Variants in TBC1D2B observed in about 807,000 individuals in gnomAD.
TBC1D2B encodes the protein TBC1 domain family, member 2B.
In TBC1D2B, 64 loss-of-function variants were observed where a neutral mutation model predicts 100.8. That is an observed-to-expected ratio of 0.64 (90% CI 0.52 to 0.78). The LOEUF is 0.78. TBC1D2B is among the 30% of genes least tolerant of loss of function. The probability of loss-of-function intolerance (pLI) is 0.00; values close to 1 mark genes in which losing one functional copy is unlikely to be tolerated. For missense variants in TBC1D2B, 1,052 were observed against 1,218.4 expected, an observed-to-expected ratio of 0.86 and a Z score of 2.03; for synonymous variants, 480 against 479.7, an observed-to-expected ratio of 1.00 and a Z score of -0.01.
chr15:78,077,382 A>G lies in TBC1D2B; in HGVS notation c.271T>C (p.Tyr91His). Residue 91 changes from tyrosine (Y) to histidine (H), a missense_variant, in exon 1 of 13, where the codon TAC becomes CAC. Physicochemically the swap from Tyr to His is moderately conservative, Grantham distance 83 (BLOSUM62 2). This residue lies in a region of TBC1D2B where 627 missense variants were observed against 646.1 expected (regional missense o/e 0.97). Transcript: ENST00000300584. ...HLDIADACFS[Y>H]QGPDEAAEPG... ...TCCGCCGCCTCGTCGGGGCCCTGGT[A>G]GCTGAAGCAGGCGTCCGCGATGTCC... 6.5e-7 allele frequency: 1 copy of G among 1,543,720 alleles called. No individual in the cohort carries two copies. The highest frequency in any genetic ancestry group is 8.7e-7 in the Non-Finnish European group (1 of 1,144,550).
chr15:78,011,639 TTTTTGG>T (rs1328780142), intron 9 of TBC1D2B, among the ~76,000 whole-genome samples: 19 of 980 alleles, frequency 0.019, no homozygotes, highest in African/African-American at 0.043. Context: ...CCCAGCTAAT[TTTTTGG>T]TTTTTTTTTT....
In TBC1D2B at chr15:77,998,363, G is replaced by A; in HGVS notation, c.2697-8C>T. 1.3e-6 allele frequency: 2 copies of A among 1,561,920 alleles called. No individual in the cohort carries two copies. The highest frequency in any genetic ancestry group is 1.2e-5 in the South Asian group (1 of 84,666). The stretch of plus-strand genomic sequence containing the variant: ...GAGATACTGATCAGCTTCCTGGCAG[G>A]ACGCAGGGGAGAGACAAGAGAATCA... On this transcript the variant is annotated splice_polypyrimidine_tract_variant and splice_region_variant and intron_variant, in intron 12 of 12. Coordinates refer to ENST00000300584, the MANE Select transcript of TBC1D2B (RefSeq NM_144572.2).
chr15:78,065,851 G>A (rs1320444536), intron 1 of TBC1D2B, among the ~76,000 whole-genome samples: 1 of 152,160 alleles, frequency 6.6e-6, no homozygotes, highest in African/African-American at 2.4e-5. Flanking sequence ...AGTGGAGCCA[G>A]GTACCAGGAA....
At chr15:78,053,873 G>T in intron 2 of TBC1D2B, 161 bp downstream of exon 2, 1 of 815,388 alleles carries the variant, frequency 1.2e-6, no homozygotes, top group Non-Finnish European at 1.9e-6. Flanking sequence ...CATAAGCTTT[G>T]TACATGGAGG....
At position 78,013,024 on chromosome 15, in the gene TBC1D2B, C is replaced by G; in HGVS notation, c.2069G>C (p.Gly690Ala). The change falls in exon 9 of 13, where the codon GGC (glycine) becomes GCC (alanine). Residue 690 changes from glycine to alanine, a missense_variant. Physicochemically the swap from Gly to Ala is moderately conservative, Grantham distance 60. Around this residue, in one of 4 missense-constraint regions of TBC1D2B, gnomAD observed 373 missense variants for 464.9 expected, o/e 0.80. Coordinates refer to ENST00000300584, the MANE Select transcript of TBC1D2B (RefSeq NM_144572.2). ...CTTCTGCAGCAAGGTCTGGAAGTGG[C>G]CAGGCTCAGTGTTGTCCTTGAACTT... ...TRKFKDNTEP[G>A]HFQTLLQKAL... 6.2e-7 allele frequency: 1 copy of G among 1,611,848 alleles called. No individual in the cohort carries two copies. The highest frequency in any genetic ancestry group is 1.1e-5 in the South Asian group (1 of 91,032).
intron 3 of TBC1D2B, among the ~76,000 whole-genome samples, chr15:78,031,170 A>C (rs574250667): frequency 6.6e-6 from 1 of 152,376 alleles, no homozygotes; most frequent in Admixed American, 6.5e-5. Context: ...ATATGTAGCA[A>C]AACTATTTTT....
At chr15:78,040,561 A>G (rs574650538) in intron 3 of TBC1D2B, among the ~76,000 whole-genome samples, 216 of 151,588 alleles carry the variant, frequency 1.4e-3, no homozygotes, top group African/African-American at 4.9e-3. Flanking sequence ...AAAAATGAAA[A>G]AAGAAAAGAA....
rs2071787795 is a variant in TBC1D2B at position 77,997,242 on chromosome 15, C to A, written c.*918G>T. The A allele has an allele frequency of 6.6e-6, 1 of 152,318 alleles. No homozygotes were observed. The highest frequency in any genetic ancestry group is 2.1e-4 in the South Asian group (1 of 4,836). The allele number at this position is 152,318 out of a possible 1,614,324, so 9.4% of individuals were successfully genotyped here. ...GGCTGCACCACTGCCCTGCAAAGCA[C>A]CCCCGAAAACATTCCTCCATCCCCT... On this transcript the variant is annotated 3_prime_UTR_variant, in exon 13 of 13. Transcript: ENST00000300584.
At chr15:78,040,313 C>A (rs1320121765) in intron 3 of TBC1D2B, among the ~76,000 whole-genome samples, 1 of 152,182 alleles carries the variant, frequency 6.6e-6, no homozygotes, top group Non-Finnish European at 1.5e-5. Context: ...AAAACAAACA[C>A]ATGCACCTGT....
intron 1 of TBC1D2B, among the ~76,000 whole-genome samples, chr15:78,076,520 G>C (rs2073831381): frequency 6.6e-6 from 1 of 152,118 alleles, no homozygotes; most frequent in African/African-American, 2.4e-5. Context: ...TGGATGGGGA[G>C]GATGGTTTCG....
At chr15:78,007,921 G>T (rs2141638779) in intron 10 of TBC1D2B, among the ~76,000 whole-genome samples, 1 of 152,336 alleles carries the variant, frequency 6.6e-6, no homozygotes, top group Non-Finnish European at 1.5e-5. Flanking sequence ...TCTCCTGCCA[G>T]CACCTCCCGC....
intron 4 of TBC1D2B, 54 bp from the exon 5 acceptor site, chr15:78,025,551 G>C (rs2072642509): frequency 5.2e-6 from 7 of 1,345,288 alleles, no homozygotes; most frequent in Non-Finnish European, 7.0e-6. Context: ...TTTTGAGACG[G>C]AGTGTCGGTC....
chr15:78,000,677 T>C (rs886277982), intron 12 of TBC1D2B, among the ~76,000 whole-genome samples: 15 of 152,214 alleles, frequency 9.9e-5, no homozygotes, highest in African/African-American at 3.1e-4. Flanking sequence ...TCAGCTCCCA[T>C]TGTCCAAATC....
At chr15:78,053,768 T>C (rs953882093) in intron 2 of TBC1D2B, 6 of 362,798 alleles carry the variant, frequency 1.7e-5, no homozygotes, top group Non-Finnish European at 3.0e-5. Context: ...AGAACTAGAC[T>C]TACAGCACCA....
chr15:78,044,736 T>C lies in TBC1D2B; in HGVS notation c.683+164A>G, dbSNP rs533994505. Among the ~76,000 whole-genome samples, 26 of 152,334 alleles carry C rather than the reference T, an allele frequency of 1.7e-4. No individual in the cohort carries two copies. The South Asian group carries it at 4.8e-3, about 28-fold the overall frequency. On this transcript the variant is annotated intron_variant, in intron 3 of 12. Coordinates refer to ENST00000300584, the MANE Select transcript of TBC1D2B (RefSeq NM_144572.2). ...CATAGTGTCAGACACAGAATAAGCATGTAATACAAGCTAAAACCACAATGA... is the reference window on the plus strand; with the variant it reads ...CATAGTGTCAGACACAGAATAAGCACGTAATACAAGCTAAAACCACAATGA...
At chr15:78,017,811 C>T in intron 7 of TBC1D2B, 36 bp downstream of exon 7, 1 of 1,390,508 alleles carries the variant, frequency 7.2e-7, no homozygotes, top group Non-Finnish European at 1.0e-6. Context: ...AACCTTACCT[C>T]CCACCAGGTA....
intron 1 of TBC1D2B, among the ~76,000 whole-genome samples, chr15:78,073,840 C>T (rs1386305764): frequency 6.6e-6 from 1 of 151,572 alleles, no homozygotes; most frequent in Non-Finnish European, 1.5e-5. Flanking sequence ...AGCGGTGGCA[C>T]GCGCCTATAG....
chr15:78,023,993 G>T (rs1257078097), intron 6 of TBC1D2B, among the ~76,000 whole-genome samples, 163 bp downstream of exon 6: 1 of 152,076 alleles, frequency 6.6e-6, no homozygotes, highest in East Asian at 1.9e-4. Flanking sequence ...CTCCACAGAA[G>T]ATTAATGATT....
intron 1 of TBC1D2B, among the ~76,000 whole-genome samples, chr15:78,060,221 G>A (rs1052837338): frequency 6.6e-6 from 1 of 152,206 alleles, no homozygotes; most frequent in African/African-American, 2.4e-5. Flanking sequence ...AACTGGATGA[G>A]ATCTGGTTAA....
Sources: allele counts gnomAD v4.1 joint callset (sites outside exome capture counted in the v4.1 genomes callset), GRCh38; gene constraint gnomAD v4.1.1; regional missense constraint gnomAD v4.1.1; transcripts MANE v1.5; gene names NCBI Gene and HGNC (gene_info 2026-07-23, HGNC 2026-07-21).